OR51B5: variants seen among roughly 807,000 people sequenced by gnomAD.
OR51B5 encodes the protein olfactory receptor 51B5.
For synonymous variants in OR51B5, 186 were observed against 144.8 expected, an observed-to-expected ratio of 1.28 and a Z score of -2.04; for missense variants, 456 against 374.6, an observed-to-expected ratio of 1.22 and a Z score of -1.79.
intron 1 of OR51B5, among the ~76,000 whole-genome samples, chr11:5,356,119 G>T (rs1849190590): frequency 6.6e-6 from 1 of 152,148 alleles, no homozygotes; most frequent in Admixed American, 6.5e-5. Context: ...GTACAAAGCT[G>T]GACAGAGAAT....
chr11:5,481,588 A>T (rs1851421057), intron 1 of OR51B5, among the ~76,000 whole-genome samples: 1 of 150,674 alleles, frequency 6.6e-6, no homozygotes, highest in South Asian at 2.1e-4. Flanking sequence ...TGCAGATGAC[A>T]TGAATGTGTA....
At chr11:5,427,759 A>C (rs78602716) in intron 1 of OR51B5, among the ~76,000 whole-genome samples, 4,703 of 152,310 alleles carry the variant, frequency 0.031, 217 homozygotes, top group African/African-American at 0.1. Context: ...TCTGGTAATT[A>C]AAATGTTTTT....
chr11:5,443,305 T>C (rs1272928997), intron 1 of OR51B5, among the ~76,000 whole-genome samples: 1 of 152,158 alleles, frequency 6.6e-6, no homozygotes, highest in Admixed American at 6.6e-5. Context: ...ATATCAGTCA[T>C]AATCCCAAAT....
chr11:5,357,747 C>G (rs1331700072), intron 1 of OR51B5, among the ~76,000 whole-genome samples: 131 of 150,232 alleles, frequency 8.7e-4, no homozygotes, highest in Admixed American at 2.7e-3. Flanking sequence ...GGAAGTAAAG[C>G]ACTCCTCAGC....
At chr11:5,377,408 G>A (rs923970523) in intron 1 of OR51B5, among the ~76,000 whole-genome samples, 1 of 152,152 alleles carries the variant, frequency 6.6e-6, no homozygotes. Flanking sequence ...CACAAGACAG[G>A]GATGCCCTCT....
At chr11:5,412,652 C>T (rs1021399798) in intron 1 of OR51B5, among the ~76,000 whole-genome samples, 13 of 152,204 alleles carry the variant, frequency 8.5e-5, no homozygotes, top group Admixed American at 6.5e-4. Flanking sequence ...CTGCACATGG[C>T]TCAGAGGGTC....
chr11:5,350,457 C>T (rs1401652802), intron 1 of OR51B5, among the ~76,000 whole-genome samples: 1 of 152,162 alleles, frequency 6.6e-6, no homozygotes, highest in African/African-American at 2.4e-5. Flanking sequence ...GGCCTATTTT[C>T]TCTGGCTCAT....
At chr11:5,383,203 G>T (rs935287582) in intron 1 of OR51B5, among the ~76,000 whole-genome samples, 1 of 152,154 alleles carries the variant, frequency 6.6e-6, no homozygotes, top group Non-Finnish European at 1.5e-5. Flanking sequence ...TGCATTCAAA[G>T]ATGAAGTAGA....
chr11:5,414,146 G>C (rs1226271542), intron 1 of OR51B5, among the ~76,000 whole-genome samples: 1 of 151,822 alleles, frequency 6.6e-6, no homozygotes, highest in Non-Finnish European at 1.5e-5. Flanking sequence ...CTTAAGAAAA[G>C]AATTTTCAAC....
At chr11:5,387,860 C>T (rs1849723062) in intron 1 of OR51B5, among the ~76,000 whole-genome samples, 1 of 152,122 alleles carries the variant, frequency 6.6e-6, no homozygotes, top group Admixed American at 6.5e-5. Context: ...CTCCTTTGCT[C>T]CCTACTTCTT....
At chr11:5,489,025 G>T (rs762921810) in intron 1 of OR51B5, 2 of 1,614,038 alleles carry the variant, frequency 1.2e-6, no homozygotes, top group African/African-American at 2.7e-5. Flanking sequence ...GATGTTTTGT[G>T]TCCATTCTAT....
At chr11:5,343,797 G>T (rs1469516550), upstream of OR51B5, among the ~76,000 whole-genome samples, 2 of 151,816 alleles carry the variant, frequency 1.3e-5, no homozygotes, top group African/African-American at 4.8e-5. Flanking sequence ...ATTCTCTTCA[G>T]AAAAAAAATT....
chr11:5,417,175 G>A (rs201518812), intron 1 of OR51B5, among the ~76,000 whole-genome samples: 1 of 152,036 alleles, frequency 6.6e-6, no homozygotes, highest in African/African-American at 2.4e-5. Context: ...CAAGCAATGG[G>A]AAAGGATTCC....
chr11:5,438,501 G>T (rs1196762047), intron 1 of OR51B5, among the ~76,000 whole-genome samples: 2 of 152,120 alleles, frequency 1.3e-5, no homozygotes, highest in Non-Finnish European at 2.9e-5. Flanking sequence ...TAGTTGTTTG[G>T]TTATTCCCTT....
chr11:5,392,477 C>G (rs1247987380), intron 1 of OR51B5: 1 of 152,120 alleles, frequency 6.6e-6, no homozygotes, highest in Admixed American at 6.5e-5. Flanking sequence ...ACAAATAGAC[C>G]ACTGACATCT....
At chr11:5,399,895 G>A (rs910027275) in intron 1 of OR51B5, among the ~76,000 whole-genome samples, 3 of 152,062 alleles carry the variant, frequency 2.0e-5, no homozygotes, top group East Asian at 1.9e-4. Flanking sequence ...CCAATATCCG[G>A]TTATTTGAGG....
chr11:5,435,611 C>G (rs966142949), intron 1 of OR51B5, among the ~76,000 whole-genome samples: 4 of 56,316 alleles, frequency 7.1e-5, no homozygotes, highest in Non-Finnish European at 1.1e-4. Context: ...TAAATAGTAT[C>G]TGAGGTTTCC....
intron 1 of OR51B5, among the ~76,000 whole-genome samples, chr11:5,464,023 C>A (rs1851095987): frequency 6.6e-6 from 1 of 152,072 alleles, no homozygotes; most frequent in African/African-American, 2.4e-5. Flanking sequence ...AGGCAAATAC[C>A]CCAGAACTAC....
At chr11:5,498,629 G>C (rs1162395119) in intron 1 of OR51B5, among the ~76,000 whole-genome samples, 1 of 152,090 alleles carries the variant, frequency 6.6e-6, no homozygotes, top group African/African-American at 2.4e-5. Flanking sequence ...ACAATACAAG[G>C]CCTTGCCAAA....
Sources: allele counts gnomAD v4.1 joint callset (sites outside exome capture counted in the v4.1 genomes callset), GRCh38; gene constraint gnomAD v4.1.1; transcripts MANE v1.5; gene names NCBI Gene and HGNC (gene_info 2026-07-23, HGNC 2026-07-21).